CCDC33: variants seen among roughly 807,000 people sequenced by gnomAD.
The protein encoded by CCDC33 is coiled-coil domain containing 33.
In CCDC33, 94 loss-of-function variants were observed where a neutral mutation model predicts 91.9. The observed-to-expected ratio is 1.02, with a 90% CI of 0.87 to 1.21. The LOEUF (loss-of-function observed/expected upper bound fraction) is 1.21. Among genes scored for constraint, CCDC33 ranks in the 50% most tolerant of loss-of-function variants. CCDC33 has a pLI of 0.00. For synonymous variants in CCDC33, 396 were observed against 374.5 expected (o/e 1.06, Z -0.66); for missense variants, 940 against 935.5 (o/e 1.00, Z -0.06).
upstream of CCDC33, chr15:74,213,404 A>G (rs1406929575): frequency 6.6e-6 from 1 of 152,080 alleles, no homozygotes; most frequent in African/African-American, 2.4e-5. Flanking sequence ...ACATTCGATC[A>G]TTGCCCTTTT....
intron 11 of CCDC33, among the ~76,000 whole-genome samples, chr15:74,322,008 G>C (rs1468848178): frequency 1.3e-5 from 2 of 152,170 alleles, no homozygotes; most frequent in East Asian, 3.9e-4. Flanking sequence ...GGCCCAGAAG[G>C]CTGGGCCCAT....
chr15:74,233,751 A>G (rs1221553419), upstream of CCDC33, among the ~76,000 whole-genome samples: 1 of 152,232 alleles, frequency 6.6e-6, no homozygotes, highest in Non-Finnish European at 1.5e-5. Flanking sequence ...CATTCAGCCC[A>G]CAGAGCAGCC....
At chr15:74,281,909 T>G (rs2059374369) in intron 10 of CCDC33, 60 bp downstream of exon 10, 1 of 1,446,454 alleles carries the variant, frequency 6.9e-7, no homozygotes, top group Admixed American at 1.7e-5. Context: ...GAGATCCAAC[T>G]TCCTTCACAA....
upstream of CCDC33, among the ~76,000 whole-genome samples, chr15:74,213,650 A>C (rs1409418026): frequency 6.6e-6 from 1 of 152,168 alleles, no homozygotes; most frequent in Non-Finnish European, 1.5e-5. Context: ...TCGGGGTTCC[A>C]GTTTTCCCAT....
chr15:74,234,781 G>A (rs2075094181), upstream of CCDC33, among the ~76,000 whole-genome samples: 1 of 152,250 alleles, frequency 6.6e-6, no homozygotes, highest in Admixed American at 6.5e-5. Context: ...GAGCTGCAGG[G>A]CAGGGCAAGG....
At chr15:74,259,754 G>A (rs910618128) in intron 2 of CCDC33, among the ~76,000 whole-genome samples, 7 of 152,194 alleles carry the variant, frequency 4.6e-5, no homozygotes, top group Non-Finnish European at 5.9e-5. Context: ...AGGATACGAG[G>A]ACAGTAGAAG....
At chr15:74,298,302 G>A (rs1490629723) in intron 11 of CCDC33, among the ~76,000 whole-genome samples, 13 of 152,130 alleles carry the variant, frequency 8.5e-5, no homozygotes, top group Admixed American at 8.5e-4. Context: ...TGATGATGGT[G>A]GAGGAGGAGC....
chr15:74,260,064 G>A (rs750792129), intron 2 of CCDC33, among the ~76,000 whole-genome samples: 2 of 152,222 alleles, frequency 1.3e-5, no homozygotes, highest in Non-Finnish European at 2.9e-5. Flanking sequence ...ATAAGTAGCA[G>A]ATCGGGTGGC....
intron 18 of CCDC33, 77 bp downstream of exon 18, chr15:74,335,165 G>A: frequency 8.6e-7 from 1 of 1,168,014 alleles, no homozygotes; most frequent in Non-Finnish European, 1.3e-6. Flanking sequence ...AAAGTCACTG[G>A]GCCCTGAGAA....
chr15:74,335,855 C>G, intron 18 of CCDC33, 70 bp from the exon 19 acceptor site: 1 of 1,197,542 alleles, frequency 8.4e-7, no homozygotes, highest in Non-Finnish European at 1.2e-6. Flanking sequence ...GTTTGTCAGG[C>G]AATATGCCCT....
chr15:74,273,859 T>C (rs980020571), intron 7 of CCDC33, among the ~76,000 whole-genome samples: 5 of 138,592 alleles, frequency 3.6e-5, no homozygotes. Context: ...AGACAGAGTC[T>C]TGCTCTTGTT....
Position 74,207,615 on chromosome 15 carries a change from G to C in CCDC33, n.90-1773G>C, listed in dbSNP as rs351222. 521,395 of 1,332,430 alleles carry C rather than the reference G, an allele frequency of 0.39. 106,359 individuals carry two copies. The highest frequency in any genetic ancestry group is 0.59 in the South Asian group (46,839 of 79,564). The allele number at this position is 1,332,430 out of a possible 1,614,324, so 82.5% of individuals were successfully genotyped here. On this transcript the variant is annotated intron_variant and non_coding_transcript_variant, in intron 1 of 3. Coordinates refer to the CCDC33 transcript ENST00000558645. ...AATAGTTTACAATACTCAAACCTCA[G>C]GTACACCCCCAACTTCGATAGCACG...
chr15:74,297,634 C>G (rs1020654328), intron 11 of CCDC33, among the ~76,000 whole-genome samples: 83 of 152,244 alleles, frequency 5.5e-4, no homozygotes, highest in Non-Finnish European at 7.5e-4. Flanking sequence ...GTCAAGGTTG[C>G]AGTGAGCTAT....
rs1318577099 is a variant in CCDC33, at chr15:74,262,649, G to A, written c.319+76G>A. ...GCCAAGGACTTAGAGCAAGAAGCAG[G>A]CTCCCTCTCACTGCAGCTGGTAGCC... On this transcript the variant is annotated intron_variant, in intron 3 of 18. Coordinates refer to ENST00000398814, the MANE Select transcript of CCDC33 (RefSeq NM_025055.5). The A allele has an allele frequency of 2.7e-6, 4 of 1,501,398 alleles. No homozygotes were observed. The East Asian group carries it at 9.7e-5, about 36-fold the overall frequency. The allele number at this position is 1,501,398 out of a possible 1,614,324, so 93.0% of individuals were successfully genotyped here.
intron 10 of CCDC33, among the ~76,000 whole-genome samples, chr15:74,290,241 G>T (rs1465365679): frequency 6.7e-6 from 1 of 149,562 alleles, no homozygotes; most frequent in Non-Finnish European, 1.5e-5. Context: ...ACAATAGCAT[G>T]ATCTCGGCTC....
intron 10 of CCDC33, among the ~76,000 whole-genome samples, chr15:74,282,325 A>G (rs1266220410): frequency 1.3e-5 from 2 of 152,074 alleles, no homozygotes; most frequent in Non-Finnish European, 2.9e-5. Context: ...GGCTGCCACA[A>G]TCCAGTTCCC....
intron 7 of CCDC33, among the ~76,000 whole-genome samples, chr15:74,278,581 C>G (rs950821449): frequency 6.6e-6 from 1 of 152,202 alleles, no homozygotes; most frequent in African/African-American, 2.4e-5. Context: ...TGCTGGGCCT[C>G]CCCCTGGAGT....
chr15:74,335,098 C>G lies in CCDC33; in HGVS notation c.2139+10C>G, dbSNP rs773934410. On this transcript the variant is annotated intron_variant, in intron 18 of 18. Coordinates refer to ENST00000398814, the MANE Select transcript of CCDC33 (RefSeq NM_025055.5). ...CATCATAGAACAGCCTGTGAGTGAC[C>G]CCCCTGGAGTAGCTCCCAGGGGTTC... 12 of 1,597,680 alleles carry G rather than the reference C, an allele frequency of 7.5e-6. No individual in the cohort carries two copies. In the Admixed American group the frequency reaches 8.3e-5, roughly 11 times the overall value.
chr15:74,266,548 A>G (rs1245613504), intron 3 of CCDC33, 130 bp from the exon 4 acceptor site: 2 of 698,962 alleles, frequency 2.9e-6, no homozygotes, highest in Non-Finnish European at 5.2e-6. Context: ...ATGTGTGTGC[A>G]TGTTGATTCC....
Sources: gnomAD v4.1 joint callset for allele counts (sites outside exome capture counted in the v4.1 genomes callset) on GRCh38, gnomAD v4.1.1 for gene constraint, MANE v1.5 for transcripts, NCBI Gene and HGNC (gene_info 2026-07-23, HGNC 2026-07-21) for gene names.